The following AFF3 variants were observed in gnomAD, a reference collection of about 807,000 sequenced individuals.
AFF3 encodes ALF transcription elongation factor 3.
Under a neutral mutation model 129.7 loss-of-function variants are expected in AFF3, and 32 were observed. That is an observed-to-expected ratio of 0.25 (90% CI 0.19 to 0.33). The LOEUF (loss-of-function observed/expected upper bound fraction) is 0.33. Among genes scored for constraint, AFF3 ranks in the 10% least tolerant of loss-of-function variants. AFF3 has a pLI of 1.00. For synonymous variants in AFF3, 644 were observed against 635.4 expected (o/e 1.01, Z -0.20); for missense variants, 1,373 against 1,592.0 (o/e 0.86, Z 2.34).
intron 7 of AFF3, among the ~76,000 whole-genome samples, chr2:99,953,757 A>C (rs967271268): frequency 6.6e-6 from 1 of 152,252 alleles, no homozygotes; most frequent in African/African-American, 2.4e-5. Flanking sequence ...GAAGTGAGGA[A>C]TGGCAAGAAC....
chr2:99,669,752 T>C (rs1220539081), intron 12 of AFF3, among the ~76,000 whole-genome samples: 2 of 152,146 alleles, frequency 1.3e-5, no homozygotes, highest in South Asian at 2.1e-4. Context: ...GGTGGATCAC[T>C]TGAGGTCAGA....
chr2:99,575,569 C>T (rs1676916675), intron 18 of AFF3, among the ~76,000 whole-genome samples: 1 of 151,892 alleles, frequency 6.6e-6, no homozygotes, highest in Admixed American at 6.6e-5. Flanking sequence ...CCTATTTTTG[C>T]TTTTCAAGCT....
intron 4 of AFF3, among the ~76,000 whole-genome samples, chr2:100,018,034 A>G (rs75158175): frequency 0.035 from 4,705 of 133,698 alleles, 230 homozygotes; most frequent in African/African-American, 0.11. Context: ...GTGTGTGTGT[A>G]TATATATATA....
chr2:99,583,012 A>G lies in AFF3; in HGVS notation c.2592-13T>C. 1 of 1,611,414 alleles carries G rather than the reference A, an allele frequency of 6.2e-7. No individual in the cohort carries two copies. The highest frequency in any genetic ancestry group is 8.5e-7 in the Non-Finnish European group (1 of 1,177,644). ...TGGTATTGCCACACTGAAAAAGGAA[A>G]TTACGGTAATGGAATGTTACAGAGT... On this transcript the variant is annotated splice_polypyrimidine_tract_variant and intron_variant, in intron 16 of 24. Transcript: ENST00000672756.
intron 7 of AFF3, among the ~76,000 whole-genome samples, chr2:99,918,921 C>T (rs1281369287): frequency 6.6e-6 from 1 of 152,156 alleles, no homozygotes; most frequent in Non-Finnish European, 1.5e-5. Flanking sequence ...CACAAAACCA[C>T]TATATTCCCC....
intron 7 of AFF3, among the ~76,000 whole-genome samples, chr2:99,898,805 A>T (rs1694162401): frequency 6.6e-6 from 1 of 152,124 alleles, no homozygotes; most frequent in African/African-American, 2.4e-5. Context: ...GACAGTCCCC[A>T]CTGCCTTCAG....
intron 24 of AFF3, among the ~76,000 whole-genome samples, chr2:99,553,318 A>G (rs190070158): frequency 2.5e-3 from 386 of 152,168 alleles, no homozygotes; most frequent in African/African-American, 9.1e-3. Flanking sequence ...GCTGCATGTT[A>G]TGTACTATGT....
At chr2:99,983,646 T>A (rs2104526348) in intron 7 of AFF3, among the ~76,000 whole-genome samples, 1 of 152,278 alleles carries the variant, frequency 6.6e-6, no homozygotes, top group African/African-American at 2.4e-5. Context: ...GCAAAAAACA[T>A]AATGATCTGG....
chr2:99,778,209 C>G (rs2105362676), intron 8 of AFF3, among the ~76,000 whole-genome samples: 2 of 152,268 alleles, frequency 1.3e-5, no homozygotes, highest in Non-Finnish European at 2.9e-5. Flanking sequence ...CCCTTCTCCT[C>G]CTCCTTCCTC....
chr2:99,548,112 G>C lies in AFF3; in HGVS notation c.*3362C>G, dbSNP rs1674160703. ...CATCAAAAATGCCAAATTTTGATCAGGAATATACCTGGACTACTCTCTTTC... is the reference window on the plus strand; with the variant it reads ...CATCAAAAATGCCAAATTTTGATCACGAATATACCTGGACTACTCTCTTTC... On this transcript the variant is annotated 3_prime_UTR_variant, in exon 25 of 25. Coordinates refer to ENST00000672756, the MANE Select transcript of AFF3 (RefSeq NM_001386135.1). 1.5e-5 allele frequency: 3 copies of C among 204,544 alleles called. No individual in the cohort carries two copies. Among genetic ancestry groups the C allele is most frequent in the Non-Finnish European group, 3.0e-5 (3 of 99,660 alleles). 12.7% of individuals were successfully genotyped at this position (204,544 alleles called of 1,614,324 possible).
At position 99,627,008 on chromosome 2, in the gene AFF3, A is replaced by G. The variant is rs534030873; in HGVS notation, c.1184+22618T>C. 6.6e-5 allele frequency among the ~76,000 whole-genome samples: 10 copies of G among 152,212 alleles called. No homozygotes were observed. The South Asian group carries it at 2.1e-3, about 32-fold the overall frequency. ...ACTGCTGGGCATCTGGGTTGATTCC[A>G]TGTCTCTGCTATTGTGAATAGTGCT... On this transcript the variant is annotated intron_variant, in intron 13 of 24. Transcript: ENST00000672756.
intron 4 of AFF3, among the ~76,000 whole-genome samples, chr2:100,030,002 G>A (rs1431686860): frequency 6.6e-6 from 1 of 152,042 alleles, no homozygotes; most frequent in African/African-American, 2.4e-5. Flanking sequence ...GAGTGGTCGA[G>A]GCTGCAGTGA....
intron 11 of AFF3, among the ~76,000 whole-genome samples, chr2:99,680,005 G>A (rs1287620516): frequency 6.6e-6 from 1 of 152,198 alleles, no homozygotes; most frequent in Admixed American, 6.5e-5. Context: ...ACTGGGAGCA[G>A]CAGCAGTTCC....
rs4851223 is a variant in AFF3 at position 99,727,095 on chromosome 2, T to C, written c.1073A>G (p.Asn358Ser). 48 of 1,607,924 alleles carry C rather than the reference T, an allele frequency of 3.0e-5. No homozygotes were observed. Among genetic ancestry groups the C allele is most frequent in the Middle Eastern group, 1.6e-4 (1 of 6,074 alleles). ...KGDAEPESPD[N>S]GTSNTSMLED... ...AACTTACGATGTATTCGATGTGCCA[T>C]TGTCTGGACTCTCTGGCTCTGCATC... is the stretch of plus-strand genomic sequence containing the variant. The change falls in exon 11 of 25, where the codon AAT becomes AGT. Residue 358 changes from asparagine to serine, a missense_variant. Physicochemically the swap from Asn to Ser is conservative, Grantham distance 46. Coordinates refer to ENST00000672756, the MANE Select transcript of AFF3 (RefSeq NM_001386135.1).
Position 99,905,364 on chromosome 2 carries a change from A to G in AFF3, c.874-67840T>C, listed in dbSNP as rs113195746. On this transcript the variant is annotated intron_variant, in intron 7 of 24. Transcript: ENST00000672756. ...TCCTGGTCATGGTGACCATCAACAC[A>G]GAAGGCCAAGGATGGTCACCCATGA... Among the ~76,000 whole-genome samples, 544 of 152,312 alleles carry G rather than the reference A, an allele frequency of 3.6e-3. 3 individuals are homozygous for G. Among genetic ancestry groups the G allele is most frequent in the Non-Finnish European group, 6.5e-3 (441 of 68,018 alleles).
At chr2:99,847,561 C>T (rs1262643759) in intron 7 of AFF3, among the ~76,000 whole-genome samples, 1 of 151,960 alleles carries the variant, frequency 6.6e-6, no homozygotes, top group East Asian at 2.0e-4. Flanking sequence ...TATCTTTTCC[C>T]TTCTACTCCC....
rs79854967 is a variant in AFF3, at chr2:99,922,227, T to C, written c.873+84405A>G. Among the ~76,000 whole-genome samples the C allele has an allele frequency of 3.0e-4, 46 of 152,324 alleles. 1 individual carries two copies. The East Asian group carries it at 8.9e-3, about 29-fold the overall frequency. ...CCCAGCACTTTCACTCCTAGGGGTT[T>C]ATACAAAAGAAATCAAACCATGTAT... On this transcript the variant is annotated intron_variant, in intron 7 of 24. Transcript: ENST00000672756.
intron 18 of AFF3, among the ~76,000 whole-genome samples, chr2:99,575,826 C>T (rs1350149747): frequency 6.6e-6 from 1 of 152,120 alleles, no homozygotes; most frequent in East Asian, 1.9e-4. Flanking sequence ...ATGGGAAGAA[C>T]AAATGATAAC....
chr2:99,908,942 A>G (rs1358921178), intron 7 of AFF3, among the ~76,000 whole-genome samples: 1 of 152,326 alleles, frequency 6.6e-6, no homozygotes, highest in East Asian at 1.9e-4. Context: ...CTAGAACTAG[A>G]TCTAGAACTA....
Sources: allele counts gnomAD v4.1 joint callset (sites outside exome capture counted in the v4.1 genomes callset), GRCh38; gene constraint gnomAD v4.1.1; transcripts MANE v1.5; gene names NCBI Gene and HGNC (gene_info 2026-07-23, HGNC 2026-07-21).